Variants in TSPOAP1 observed in about 807,000 individuals in gnomAD.
TSPOAP1 encodes peripheral-type benzodiazepine receptor-associated protein 1.
In TSPOAP1, 87 loss-of-function variants were observed where a neutral mutation model predicts 197.0. The ratio of observed to expected loss-of-function variants is 0.44; its 90% CI spans 0.37 to 0.53. The LOEUF (loss-of-function observed/expected upper bound fraction) is 0.53. Among genes scored for constraint, TSPOAP1 ranks in the 20% least tolerant of loss-of-function variants. The pLI, the probability that TSPOAP1 is intolerant of heterozygous loss-of-function variation, is 0.00. For missense variants in TSPOAP1, 2,174 were observed against 2,411.3 expected, an observed-to-expected ratio of 0.90 and a Z score of 2.06; for synonymous variants, 913 against 998.9, an observed-to-expected ratio of 0.91 and a Z score of 1.62.
At chr17:58,325,027 G>T in intron 4 of TSPOAP1, 25 bp from the exon 5 acceptor site, 1 of 1,502,604 alleles carries the variant, frequency 6.7e-7, no homozygotes, top group Non-Finnish European at 8.9e-7. Context: ...CAGGGACAGG[G>T]AGGGGACTCA....
At position 58,309,211 on chromosome 17, in the gene TSPOAP1, G is replaced by A. The variant is rs1971005543; in HGVS notation, c.4061C>T (p.Ser1354Phe). ...AGGTTCAGGCGGGCCAGGGTCTCGG[G>A]AAGAACAGCCTGCCCCTGACTTCTC... ...EEEKSGAGCS[S>F]RDPGPPEPAL... The change falls in exon 22 of 32, where the codon TCC (serine) becomes TTC (phenylalanine). Residue 1354 changes from serine to phenylalanine, a missense_variant. Ser to Phe is a radical substitution (Grantham distance 155). This residue lies in a region of TSPOAP1 where 1,933 missense variants were observed against 2,139.0 expected (regional missense o/e 0.90). Transcript: ENST00000343736. This position sits in a 1 kb window ranked among gnomAD's most constrained non-coding sequence, Gnocchi z 5.0. 1.2e-6 allele frequency: 2 copies of A among 1,614,066 alleles called. No homozygotes were observed. Among genetic ancestry groups the A allele is most frequent in the South Asian group, 1.1e-5 (1 of 91,082 alleles).
At position 58,308,593 on chromosome 17, in the gene TSPOAP1, G is replaced by C; in HGVS notation, c.4679C>G (p.Pro1560Arg). 1 of 1,586,034 alleles carries C rather than the reference G, an allele frequency of 6.3e-7. No homozygotes were observed. Among genetic ancestry groups the C allele is most frequent in the Non-Finnish European group, 8.6e-7 (1 of 1,163,866 alleles). ...CGTCGCACTGCGGCCTCTCCGCTCT[G>C]GTTCCCCTTTCTCCCAGGCTGGGAG... ...PRLPAWEKGEPERRGRSATGR... is the reference protein window; with the variant it reads ...PRLPAWEKGERERRGRSATGR... Residue 1560 changes from proline (P) to arginine (R), a missense_variant, in exon 22 of 32, where the codon CCA (proline) becomes CGA (arginine). Coordinates refer to ENST00000343736, the MANE Select transcript of TSPOAP1 (RefSeq NM_004758.4).
In TSPOAP1 at chr17:58,308,839, C is replaced by G; in HGVS notation, c.4433G>C (p.Arg1478Pro). The G allele has an allele frequency of 1.2e-6, 2 of 1,611,328 alleles. No individual in the cohort carries two copies. Among genetic ancestry groups the G allele is most frequent in the Non-Finnish European group, 1.7e-6 (2 of 1,178,928 alleles). ...CAGGCCAGGCTCCAGCGCCCGGCCA[C>G]GGGAGCACCTCCGGGAAGGGCCCAG... ...GRLGPSRRCS[R>P]GRALEPGLAS... is the part of the protein sequence containing the mutation. The change falls in exon 22 of 32, where the codon CGT becomes CCT. Residue 1478 changes from arginine (R) to proline (P), a missense_variant. Physicochemically the swap from Arg to Pro is moderately radical, Grantham distance 103. This residue lies in a region of TSPOAP1 where 1,933 missense variants were observed against 2,139.0 expected (regional missense o/e 0.90). Coordinates refer to ENST00000343736, the MANE Select transcript of TSPOAP1 (RefSeq NM_004758.4).
At chr17:58,315,096 G>C (rs1324939442) in intron 16 of TSPOAP1, among the ~76,000 whole-genome samples, 1 of 152,106 alleles carries the variant, frequency 6.6e-6, no homozygotes, top group Non-Finnish European at 1.5e-5. Context: ...CATTTATAAA[G>C]TATTATTTTC....
Position 58,310,824 on chromosome 17 carries a change from C to T in TSPOAP1, c.3459+12G>A, listed in dbSNP as rs1263876467. ...CAGCCTGCACCTGCTCCCCTCTCCC[C>T]AGACAGGGTACCTGGGAGCAAGGTG... On this transcript the variant is annotated intron_variant, in intron 19 of 31. Coordinates refer to ENST00000343736, the MANE Select transcript of TSPOAP1 (RefSeq NM_004758.4). 1 of 1,569,386 alleles carries T rather than the reference C, an allele frequency of 6.4e-7. No individual in the cohort carries two copies. The highest frequency in any genetic ancestry group is 2.3e-5 in the East Asian group (1 of 44,370).
Position 58,309,249 on chromosome 17 carries a change from CTCCTCT to C in TSPOAP1, c.4017_4022del (p.Glu1340_Glu1341del), listed in dbSNP as rs777914091. The C allele has an allele frequency of 1.9e-6, 3 of 1,613,886 alleles. No individual in the cohort carries two copies. The highest frequency in any genetic ancestry group is 2.5e-6 in the Non-Finnish European group (3 of 1,179,964). ...CCCCTGACTTCTCCTCCTCCTCGTCCTCCTCTTCCTCTTCCTCCTCCTCCGGGATGC... is the reference window on the plus strand; with the variant it reads ...CCCCTGACTTCTCCTCCTCCTCGTCCTCCTCTTCCTCCTCCTCCGGGATGC... On this transcript the variant is annotated inframe_deletion, in exon 22 of 32. Coordinates refer to ENST00000343736, the MANE Select transcript of TSPOAP1 (RefSeq NM_004758.4). The surrounding 1 kb of genome is among the most constrained non-coding windows in gnomAD (Gnocchi z 5.0).
In TSPOAP1 at chr17:58,319,141, G is replaced by C; in HGVS notation, c.1648C>G (p.Pro550Ala). 1 of 1,552,090 alleles carries C rather than the reference G, an allele frequency of 6.4e-7. No individual in the cohort carries two copies. The highest frequency in any genetic ancestry group is 1.2e-5 in the South Asian group (1 of 84,452). ...DCGSLGDCPP[P>A]PCCCSIPQPC... The stretch of plus-strand genomic sequence containing the variant: ...TGGGGAATGGAGCAGCAGCAGGGGG[G>C]TGGTGGGCAGTCTCCAAGGCTCCCA... The change falls in exon 13 of 32, where the codon CCC becomes GCC. Residue 550 changes from proline (P) to alanine (A), a missense_variant. Coordinates refer to ENST00000343736, the MANE Select transcript of TSPOAP1 (RefSeq NM_004758.4).
chr17:58,312,939 T>G (rs1279289829), intron 16 of TSPOAP1, among the ~76,000 whole-genome samples: 2 of 152,246 alleles, frequency 1.3e-5, no homozygotes, highest in African/African-American at 4.8e-5. Context: ...TATAGGACAG[T>G]GCTTCTTCAA....
intron 1 of TSPOAP1, 25 bp downstream of exon 1, chr17:58,327,563 C>A: frequency 6.3e-7 from 1 of 1,598,520 alleles, no homozygotes; most frequent in Non-Finnish European, 8.5e-7. Flanking sequence ...ACCTTGCAGA[C>A]CCCAGCCCTC....
chr17:58,311,509 C>A, intron 18 of TSPOAP1, 62 bp downstream of exon 18: 3 of 1,518,874 alleles, frequency 2.0e-6, no homozygotes, highest in Non-Finnish European at 2.6e-6. Context: ...AGAGCCTAGA[C>A]CTCTGAGCAT....
rs1163831296 is a variant in TSPOAP1, at chr17:58,324,200, T to C, written c.942+611A>G. Among the ~76,000 whole-genome samples the C allele has an allele frequency of 6.6e-6, 1 of 152,134 alleles. No individual in the cohort carries two copies. Among genetic ancestry groups the C allele is most frequent in the Non-Finnish European group, 1.5e-5 (1 of 68,008 alleles). On this transcript the variant is annotated intron_variant, in intron 5 of 31. Coordinates refer to ENST00000343736, the MANE Select transcript of TSPOAP1 (RefSeq NM_004758.4). This position sits in a 1 kb window ranked among gnomAD's most constrained non-coding sequence, Gnocchi z 5.8. ...GTCACTATCAGATCACTGCCTGGTC[T>C]CTCCTCCCAGCCCTCTTCCCAGAAG...
chr17:58,309,149 G>A lies in TSPOAP1; in HGVS notation c.4123C>T (p.Arg1375Ter). 1.9e-6 allele frequency: 3 copies of A among 1,613,924 alleles called. No homozygotes were observed. Among genetic ancestry groups the A allele is most frequent in the East Asian group, 2.2e-5 (1 of 44,878 alleles). Reference sequence around the variant, plus strand: ...GACAAGGGACACTGGCCAGGTCTTCGGGGCTGACCACTGTCACAGCCCAGC... The same window carrying A: ...GACAAGGGACACTGGCCAGGTCTTCAGGGCTGACCACTGTCACAGCCCAGC... ...LGLGCDSGQP[R>*]RPGQCPLSPE... Residue 1375 changes from arginine to a stop codon, truncating the protein, a stop_gained, in exon 22 of 32, where the codon CGA (arginine) becomes TGA (stop). Transcript: ENST00000343736. LOFTEE classifies it high-confidence loss of function. The surrounding 1 kb of genome is among the most constrained non-coding windows in gnomAD (Gnocchi z 5.0).
chr17:58,319,179 G>A lies in TSPOAP1; in HGVS notation c.1610C>T (p.Ser537Phe), dbSNP rs1971326776. ...LHPGPLDLLT[S>F]ALDCGSLGDC... is the part of the protein sequence containing the mutation. ...TCCAAGGCTCCCACAGTCCAGGGCA[G>A]ATGTGAGCAGATCCAAGGGGCCCGG... Residue 537 changes from serine to phenylalanine, a missense_variant, in exon 13 of 32, where the codon TCT (serine) becomes TTT (phenylalanine). Coordinates refer to ENST00000343736, the MANE Select transcript of TSPOAP1 (RefSeq NM_004758.4). 2 of 1,574,450 alleles carry A rather than the reference G, an allele frequency of 1.3e-6. No homozygotes were observed. The highest frequency in any genetic ancestry group is 4.7e-5 in the East Asian group (2 of 42,342).
chr17:58,312,859 C>T, intron 16 of TSPOAP1, 137 bp from the exon 17 acceptor site: 1 of 677,892 alleles, frequency 1.5e-6, no homozygotes, highest in Middle Eastern at 3.8e-4. Context: ...ATTTAACTGT[C>T]AATTCTTTTA....
chr17:58,306,669 TCAAGGCAGGCTC>T, intron 25 of TSPOAP1, 119 bp downstream of exon 25: 1 of 1,221,720 alleles, frequency 8.2e-7, no homozygotes, highest in Non-Finnish European at 1.1e-6. Context: ...GCAGCAGGGT[TCAAGGCAGGCTC>T]CAAGGCTCTG....
chr17:58,325,727 G>T lies in TSPOAP1; in HGVS notation c.571-14C>A. ...GGGGGCACTCACCTAGCCAGAGGAG[G>T]GGTAAGGCCAATGGTCACCTGAGGG... On this transcript the variant is annotated splice_polypyrimidine_tract_variant and intron_variant, in intron 3 of 31. Coordinates refer to ENST00000343736, the MANE Select transcript of TSPOAP1 (RefSeq NM_004758.4). 1 of 1,593,578 alleles carries T rather than the reference G, an allele frequency of 6.3e-7. No individual in the cohort carries two copies. The highest frequency in any genetic ancestry group is 2.2e-5 in the East Asian group (1 of 44,644).
At chr17:58,307,274 T>A (rs865818866) in intron 24 of TSPOAP1, among the ~76,000 whole-genome samples, 1 of 152,216 alleles carries the variant, frequency 6.6e-6, no homozygotes, top group African/African-American at 2.4e-5. Flanking sequence ...ATAAAAATAG[T>A]AATGTCAGCA....
intron 26 of TSPOAP1, among the ~76,000 whole-genome samples, 189 bp downstream of exon 26, chr17:58,306,153 G>C (rs1283068533): frequency 6.6e-6 from 1 of 152,112 alleles, no homozygotes; most frequent in Non-Finnish European, 1.5e-5. Flanking sequence ...GGAGGCAGGG[G>C]ATGTGGGTGG....
intron 4 of TSPOAP1, 47 bp downstream of exon 4, chr17:58,325,487 C>G: frequency 1.2e-6 from 2 of 1,606,014 alleles, no homozygotes; most frequent in Non-Finnish European, 1.7e-6. Flanking sequence ...AGGCAGATGG[C>G]CCTGTGCAGG....
Sources: allele counts gnomAD v4.1 joint callset (sites outside exome capture counted in the v4.1 genomes callset), GRCh38; gene constraint gnomAD v4.1.1; regional missense constraint gnomAD v4.1.1; non-coding constraint Gnocchi (gnomAD v3.1); transcripts MANE v1.5; gene names NCBI Gene and HGNC (gene_info 2026-07-23, HGNC 2026-07-21).